Variants in PPFIA2 observed in about 807,000 individuals in gnomAD.
The protein encoded by PPFIA2 is liprin-alpha-2.
In PPFIA2, 46 loss-of-function variants were observed where a neutral mutation model predicts 175.5. The ratio of observed to expected loss-of-function variants is 0.26; its 90% confidence interval spans 0.21 to 0.34. The LOEUF is 0.34. Ranked by LOEUF, PPFIA2 falls within the 10% of genes least tolerant of loss-of-function variation. The probability of loss-of-function intolerance (pLI) is 1.00; values close to 1 mark genes in which losing one functional copy is unlikely to be tolerated. For missense variants in PPFIA2, 1,179 were observed against 1,506.1 expected, an observed-to-expected ratio of 0.78 and a Z score of 3.60; for synonymous variants, 568 against 511.4, an observed-to-expected ratio of 1.11 and a Z score of -1.49.
At chr12:81,533,723 CT>C (rs2064960460) in intron 4 of PPFIA2, among the ~76,000 whole-genome samples, 1 of 138,910 alleles carries the variant, frequency 7.2e-6, no homozygotes, top group Admixed American at 7.5e-5. Context: ...ATCTATCTAT[CT>C]ATCTATCTAT....
At position 81,609,372 on chromosome 12, in the gene PPFIA2, C is replaced by T. The variant is rs114167868; in HGVS notation, c.303+67419G>A. 4.1e-3 allele frequency among the ~76,000 whole-genome samples: 631 copies of T among 152,054 alleles called. 3 individuals carry two copies. Among genetic ancestry groups the T allele is most frequent in the African/African-American group, 0.014 (594 of 41,504 alleles). On this transcript the variant is annotated intron_variant, in intron 4 of 32. Transcript: ENST00000549396. ...TGACAATCTAAGGCTGTCAGTGGGG[C>T]GTTGAAGTCTCCCATCATTACTGTG...
intron 6 of PPFIA2, among the ~76,000 whole-genome samples, chr12:81,440,612 T>A (rs983533774): frequency 6.6e-6 from 1 of 152,042 alleles, no homozygotes; most frequent in Non-Finnish European, 1.5e-5. Context: ...TTAAGTATCT[T>A]GGAATTTCCA....
chr12:81,451,871 T>C (rs1323680248), intron 5 of PPFIA2, among the ~76,000 whole-genome samples: 1 of 152,156 alleles, frequency 6.6e-6, no homozygotes, highest in Non-Finnish European at 1.5e-5. Flanking sequence ...GTACAAAAAG[T>C]GATACTTAGC....
chr12:81,655,723 C>T (rs1407206779), intron 4 of PPFIA2, among the ~76,000 whole-genome samples: 1 of 151,770 alleles, frequency 6.6e-6, no homozygotes, highest in South Asian at 2.1e-4. Flanking sequence ...TGTATATGGC[C>T]TTCATTTGGT....
chr12:81,590,979 T>G (rs561820138), intron 4 of PPFIA2, among the ~76,000 whole-genome samples: 1 of 151,882 alleles, frequency 6.6e-6, no homozygotes, highest in Non-Finnish European at 1.5e-5. Flanking sequence ...GTTGGAACAG[T>G]TTGGAGGGCT....
chr12:81,580,672 C>T (rs2074266475), intron 4 of PPFIA2, among the ~76,000 whole-genome samples: 1 of 151,644 alleles, frequency 6.6e-6, no homozygotes, highest in South Asian at 2.1e-4. Flanking sequence ...ACATCAACAA[C>T]TACACACATG....
intron 22 of PPFIA2, 75 bp from the exon 23 acceptor site, chr12:81,299,457 T>C: frequency 6.7e-7 from 1 of 1,494,840 alleles, no homozygotes; most frequent in Middle Eastern, 1.8e-4. Context: ...TGATAATATT[T>C]TAAAATAACC....
At chr12:81,324,717 T>C (rs1403790567) in intron 22 of PPFIA2, among the ~76,000 whole-genome samples, 1 of 151,936 alleles carries the variant, frequency 6.6e-6, no homozygotes, top group Non-Finnish European at 1.5e-5. Context: ...AATAAATATA[T>C]ATTATTGATT....
At chr12:81,682,569 A>G (rs890378762) in intron 3 of PPFIA2, among the ~76,000 whole-genome samples, 19 of 152,106 alleles carry the variant, frequency 1.2e-4, no homozygotes, top group Admixed American at 1.2e-3. Flanking sequence ...AATGTGAAAT[A>G]GTAAAATGAC....
intron 4 of PPFIA2, among the ~76,000 whole-genome samples, chr12:81,542,963 CT>C: frequency 6.6e-6 from 1 of 152,040 alleles, no homozygotes; most frequent in East Asian, 1.9e-4. Context: ...CAAAAGTGGC[CT>C]AGGATTCCCC....
chr12:81,361,215 CA>C (rs574660139), intron 15 of PPFIA2, among the ~76,000 whole-genome samples: 5 of 151,206 alleles, frequency 3.3e-5, no homozygotes, highest in Non-Finnish European at 5.9e-5. Flanking sequence ...GACATAAGGT[CA>C]AAAAAACAAG....
chr12:81,377,490 T>A (rs775625583), intron 9 of PPFIA2, among the ~76,000 whole-genome samples: 5 of 151,360 alleles, frequency 3.3e-5, no homozygotes, highest in Non-Finnish European at 5.9e-5. Flanking sequence ...GAGGTGGAGG[T>A]TGCAGTGAGC....
At chr12:81,348,014 T>G (rs1336897129) in intron 17 of PPFIA2, among the ~76,000 whole-genome samples, 1 of 152,134 alleles carries the variant, frequency 6.6e-6, no homozygotes, top group East Asian at 1.9e-4. Flanking sequence ...CCTGACAACT[T>G]CCAGTTTTAC....
At chr12:81,695,836 A>G (rs1352884934) in intron 3 of PPFIA2, among the ~76,000 whole-genome samples, 1 of 151,880 alleles carries the variant, frequency 6.6e-6, no homozygotes, top group African/African-American at 2.4e-5. Context: ...ATATTTCCCA[A>G]CTCTGGTTTC....
intron 5 of PPFIA2, among the ~76,000 whole-genome samples, chr12:81,450,509 G>A (rs1047564942): frequency 5.9e-5 from 9 of 151,874 alleles, no homozygotes; most frequent in African/African-American, 1.9e-4. Flanking sequence ...TTGTAAATTT[G>A]TTTGAGTTCT....
intron 4 of PPFIA2, among the ~76,000 whole-genome samples, chr12:81,630,904 T>C (rs1321367349): frequency 7.5e-6 from 1 of 132,962 alleles, no homozygotes; most frequent in South Asian, 2.3e-4. Context: ...TATATATTTT[T>C]TTTTTTTTTC....
intron 4 of PPFIA2, among the ~76,000 whole-genome samples, chr12:81,632,382 A>G (rs926584057): frequency 2.6e-5 from 4 of 152,054 alleles, no homozygotes; most frequent in African/African-American, 9.7e-5. Flanking sequence ...AAAAACATAT[A>G]ATGAATACCA....
At chr12:81,328,411 G>A (rs1469390526) in intron 21 of PPFIA2, among the ~76,000 whole-genome samples, 1 of 152,156 alleles carries the variant, frequency 6.6e-6, no homozygotes, top group African/African-American at 2.4e-5. Context: ...ACCAGGTTTT[G>A]AAAACGTGGT....
rs1567686433 is a variant in PPFIA2, at chr12:81,642,683, C to CAGACATGTATGTATA, written c.303+34107_303+34108insTATACATACATGTCT. On this transcript the variant is annotated intron_variant, in intron 4 of 32. Coordinates refer to ENST00000549396, the MANE Select transcript of PPFIA2 (RefSeq NM_003625.5). ...CTATTATATACATACATGTATGTATCTATTATATACATACATGTATATGTA... is the reference window on the plus strand; with the variant it reads ...CTATTATATACATACATGTATGTATCAGACATGTATGTATATATTATATACATACATGTATATGTA... Among the ~76,000 whole-genome samples the CAGACATGTATGTATA allele has an allele frequency of 1.4e-4, 5 of 35,980 alleles. 1 individual carries two copies. The highest frequency in any genetic ancestry group is 1.6e-4 in the Non-Finnish European group (3 of 18,818). 23.6% of individuals were successfully genotyped at this position (35,980 alleles called of 152,430 possible).
Sources: gnomAD v4.1 joint callset for allele counts (sites outside exome capture counted in the v4.1 genomes callset) on GRCh38, gnomAD v4.1.1 for gene constraint, MANE v1.5 for transcripts, NCBI Gene and HGNC (gene_info 2026-07-23, HGNC 2026-07-21) for gene names.